LMBR1: variants seen among roughly 807,000 people sequenced by gnomAD.
The protein encoded by LMBR1 is limb region 1 protein homolog.
LMBR1 carries 52 observed loss-of-function variants against 73.9 expected under a neutral mutation model. The ratio of observed to expected loss-of-function variants is 0.70; its 90% CI spans 0.56 to 0.89. The LOEUF is 0.89. Ranked by LOEUF, LMBR1 falls within the 40% of genes least tolerant of loss-of-function variation. The probability of loss-of-function intolerance (pLI) is 0.00; values close to 1 mark genes in which losing one functional copy is unlikely to be tolerated. For missense variants in LMBR1, 539 were observed against 579.8 expected (o/e 0.93, Z 0.72); for synonymous variants, 215 against 209.4 (o/e 1.03, Z -0.23).
chr7:156,877,724 A>G (rs1449545281), intron 1 of LMBR1, among the ~76,000 whole-genome samples: 1 of 152,086 alleles, frequency 6.6e-6, no homozygotes, highest in East Asian at 1.9e-4. Context: ...TCTACTAAAA[A>G]TACAAAAAAT....
At chr7:156,672,390 A>G (rs1230124568) in intron 4 of LMBR1, among the ~76,000 whole-genome samples, 2 of 152,188 alleles carry the variant, frequency 1.3e-5, no homozygotes, top group Non-Finnish European at 2.9e-5. Context: ...TAGGACCTGT[A>G]TGCCACAGTG....
intron 10 of LMBR1, among the ~76,000 whole-genome samples, chr7:156,732,021 C>A (rs1412446959): frequency 6.6e-6 from 1 of 151,504 alleles, no homozygotes; most frequent in Non-Finnish European, 1.5e-5. Context: ...CTAATATCCA[C>A]CAACAGCAGG....
intron 9 of LMBR1, among the ~76,000 whole-genome samples, chr7:156,749,899 G>A (rs1256154325): frequency 6.6e-6 from 1 of 152,062 alleles, no homozygotes; most frequent in Non-Finnish European, 1.5e-5. Flanking sequence ...ATGCTGGCCA[G>A]GTGGGTCTTG....
At chr7:156,727,337 A>G (rs891024009) in intron 12 of LMBR1, among the ~76,000 whole-genome samples, 9 of 152,320 alleles carry the variant, frequency 5.9e-5, no homozygotes, top group African/African-American at 2.2e-4. Context: ...ACAAAAATAT[A>G]CTATAGGGCT....
intron 1 of LMBR1, among the ~76,000 whole-genome samples, chr7:156,887,237 G>A (rs899857091): frequency 5.9e-5 from 9 of 152,026 alleles, no homozygotes; most frequent in Non-Finnish European, 8.8e-5. Flanking sequence ...AGGCCGAGGC[G>A]GCAGATCACG....
At position 156,697,282 on chromosome 7, in the gene LMBR1, G is replaced by A. The variant is rs193147282; in HGVS notation, c.1226-9091C>T. Among the ~76,000 whole-genome samples, 383 of 152,308 alleles carry A rather than the reference G, an allele frequency of 2.5e-3. 1 individual carries two copies. The highest frequency in any genetic ancestry group is 6.8e-3 in the Middle Eastern group (2 of 294). Reference sequence around the variant, plus strand: ...CTAACAAAGATCACATGCTTCTGAGGGAACAGGACAAAGGGAAAAAGAAGA... The same window carrying A: ...CTAACAAAGATCACATGCTTCTGAGAGAACAGGACAAAGGGAAAAAGAAGA... On this transcript the variant is annotated intron_variant, in intron 15 of 16. Coordinates refer to ENST00000353442, the MANE Select transcript of LMBR1 (RefSeq NM_022458.4).
chr7:156,705,757 A>G (rs1000307835), intron 15 of LMBR1, among the ~76,000 whole-genome samples: 3 of 152,236 alleles, frequency 2.0e-5, no homozygotes, highest in South Asian at 2.1e-4. Flanking sequence ...AAAACACATG[A>G]AAGTATAAAA....
intron 1 of LMBR1, among the ~76,000 whole-genome samples, chr7:156,867,539 G>A (rs1010530058): frequency 1.3e-5 from 2 of 152,144 alleles, no homozygotes; most frequent in African/African-American, 4.8e-5. Flanking sequence ...TAAACAATAT[G>A]TGACATATCC....
Position 156,734,181 on chromosome 7 carries a change from T to G in LMBR1, c.834A>C (p.Lys278Asn), listed in dbSNP as rs1450259977. 6 of 1,594,600 alleles carry G rather than the reference T, an allele frequency of 3.8e-6. No homozygotes were observed. In the South Asian group the frequency reaches 6.9e-5, roughly 18 times the overall value. The change falls in exon 10 of 17, where the codon AAA becomes AAC. Residue 278 changes from lysine to asparagine, a missense_variant. By Grantham distance (94) the Lys-to-Asn change is moderately conservative. Transcript: ENST00000353442. ...ELENVKTLKTKLERRKKASAW... is the reference protein window; with the variant it reads ...ELENVKTLKTNLERRKKASAW... ...AAGAAAAAAAAAGTACAATACCTAA[T>G]TTTGTCTTAAGAGTCTTTACATTTT...
chr7:156,770,776 T>C (rs1585681449), intron 5 of LMBR1, among the ~76,000 whole-genome samples: 1 of 152,110 alleles, frequency 6.6e-6, no homozygotes, highest in East Asian at 1.9e-4. Context: ...GAGATGGGCA[T>C]GGAAGCACAC....
At chr7:156,687,138 C>G (rs915694786) in intron 16 of LMBR1, among the ~76,000 whole-genome samples, 5 of 152,166 alleles carry the variant, frequency 3.3e-5, no homozygotes, top group African/African-American at 1.2e-4. Context: ...CTGCTCATAT[C>G]GTTTAAGTTA....
intron 3 of LMBR1, among the ~76,000 whole-genome samples, chr7:156,829,176 G>A (rs566425370): frequency 2.6e-3 from 394 of 152,318 alleles, no homozygotes; most frequent in Middle Eastern, 0.01. Context: ...CTCTCATGGC[G>A]ACTGGCCAAG....
intron 4 of LMBR1, among the ~76,000 whole-genome samples, chr7:156,816,444 G>A (rs567413933): frequency 1.3e-5 from 2 of 152,274 alleles, no homozygotes; most frequent in African/African-American, 4.8e-5. Flanking sequence ...AAGGAGTAAT[G>A]TCTGTTGGAC....
At chr7:156,839,047 CTTTT>C (rs1164786244) in intron 1 of LMBR1, among the ~76,000 whole-genome samples, 15 of 98,526 alleles carry the variant, frequency 1.5e-4, no homozygotes, top group Admixed American at 1.2e-3. Context: ...TAGTCCTTTG[CTTTT>C]TTTTTTTTTT....
chr7:156,889,985 C>T (rs1435274818), intron 1 of LMBR1, among the ~76,000 whole-genome samples: 1 of 152,116 alleles, frequency 6.6e-6, no homozygotes, highest in Admixed American at 6.6e-5. Flanking sequence ...GCCTGGTCAA[C>T]AGAGGGAGAA....
At chr7:156,688,327 T>A (rs992348006) in intron 15 of LMBR1, 136 bp from the exon 16 acceptor site, 4 of 598,626 alleles carry the variant, frequency 6.7e-6, no homozygotes, top group Middle Eastern at 4.5e-4. Context: ...AATGAATAAA[T>A]CCTAATTTAA....
chr7:156,724,990 A>C (rs2132380905), intron 14 of LMBR1, among the ~76,000 whole-genome samples: 1 of 152,296 alleles, frequency 6.6e-6, no homozygotes, highest in South Asian at 2.1e-4. Context: ...AAGTCAAATT[A>C]GCCTCAGACT....
chr7:156,831,505 A>T (rs1054738576), intron 3 of LMBR1, among the ~76,000 whole-genome samples: 7 of 152,236 alleles, frequency 4.6e-5, no homozygotes, highest in Non-Finnish European at 1.0e-4. Context: ...GGGAAGAAAG[A>T]TGAGGGAGAC....
intron 5 of LMBR1, among the ~76,000 whole-genome samples, chr7:156,787,692 A>G (rs1004680135): frequency 6.6e-6 from 1 of 152,242 alleles, no homozygotes; most frequent in South Asian, 2.1e-4. Context: ...ATTTCCCAAT[A>G]AGTGATAAAT....
Sources: allele counts gnomAD v4.1 joint callset (sites outside exome capture counted in the v4.1 genomes callset), GRCh38; gene constraint gnomAD v4.1.1; transcripts MANE v1.5; gene names NCBI Gene and HGNC (gene_info 2026-07-23, HGNC 2026-07-21).